TPCN1: variants seen among roughly 807,000 people sequenced by gnomAD.
TPCN1 encodes two pore channel protein 1.
A neutral mutation model predicts 108.8 loss-of-function variants in TPCN1; 52 were observed. The observed-to-expected ratio is 0.48, with a 90% CI of 0.38 to 0.60. The LOEUF (loss-of-function observed/expected upper bound fraction) is 0.60. Among genes scored for constraint, TPCN1 ranks in the 20% least tolerant of loss-of-function variants. TPCN1 has a pLI of 0.00. For synonymous variants in TPCN1, 446 were observed against 433.7 expected (o/e 1.03, Z -0.35); for missense variants, 806 against 1,072.8 (o/e 0.75, Z 3.47).
chr12:113,274,004 AC>A (rs1392012556), intron 10 of TPCN1, among the ~76,000 whole-genome samples: 3 of 152,104 alleles, frequency 2.0e-5, no homozygotes, highest in Admixed American at 6.6e-5. Flanking sequence ...TGTTTGCAGG[AC>A]CCCCTGTAGG....
chr12:113,253,037 T>C (rs1954706857), intron 2 of TPCN1, among the ~76,000 whole-genome samples: 1 of 152,176 alleles, frequency 6.6e-6, no homozygotes, highest in South Asian at 2.1e-4. Context: ...TTTCTGATTC[T>C]TGAGAGGCAA....
chr12:113,280,125 T>G (rs1166281959), intron 14 of TPCN1, 26 bp from the exon 15 acceptor site: 2 of 1,577,390 alleles, frequency 1.3e-6, no homozygotes, highest in Non-Finnish European at 1.7e-6. Flanking sequence ...TAAATTTACA[T>G]TTTAACTTGT....
At chr12:113,276,575 T>C (rs2136669706) in intron 10 of TPCN1, among the ~76,000 whole-genome samples, 1 of 152,272 alleles carries the variant, frequency 6.6e-6, no homozygotes, top group Non-Finnish European at 1.5e-5. Flanking sequence ...CCCCTCTTGC[T>C]ACTCTCTCCT....
rs1012808485 is a variant in TPCN1 at position 113,243,492 on chromosome 12, C to G, written c.112+16528C>G. On this transcript the variant is annotated intron_variant, in intron 2 of 27. Transcript: ENST00000335509. Reference sequence around the variant, plus strand: ...CACTCCATGGGAAAGCATGGCTCATCCCTATAATCCCAGCACTTTGGGAGG... The same window carrying G: ...CACTCCATGGGAAAGCATGGCTCATGCCTATAATCCCAGCACTTTGGGAGG... Among the ~76,000 whole-genome samples, 7 of 150,932 alleles carry G rather than the reference C, an allele frequency of 4.6e-5. No individual in the cohort carries two copies. In the South Asian group the frequency reaches 6.3e-4, roughly 14 times the overall value.
chr12:113,292,618 T>G, intron 25 of TPCN1: 1 of 252,898 alleles, frequency 4.0e-6, no homozygotes, highest in Non-Finnish European at 7.5e-6. Flanking sequence ...GAAAACCCTG[T>G]GCCCACACTT....
rs1018596278 is a variant in TPCN1, at chr12:113,288,013, G to T, written c.1635-150G>T. The T allele has an allele frequency of 1.4e-5, 10 of 700,730 alleles. No individual in the cohort carries two copies. The highest frequency in any genetic ancestry group is 9.0e-5 in the African/African-American group (5 of 55,704). 43.4% of individuals were successfully genotyped at this position (700,730 alleles called of 1,614,324 possible). On this transcript the variant is annotated intron_variant, in intron 19 of 27. Coordinates refer to ENST00000335509, the MANE Select transcript of TPCN1 (RefSeq NM_017901.6). The surrounding 1 kb of genome is among the most constrained non-coding windows in gnomAD (Gnocchi z 4.8). ...AATCACCTGAGCCCAGCTCAGGGTTGGTGGCGCCCAAGGGAGTGGACGCAG... is the reference window on the plus strand; with the variant it reads ...AATCACCTGAGCCCAGCTCAGGGTTTGTGGCGCCCAAGGGAGTGGACGCAG...
intron 2 of TPCN1, 118 bp downstream of exon 2, chr12:113,227,082 T>G: frequency 3.7e-6 from 3 of 809,224 alleles, no homozygotes; most frequent in South Asian, 3.7e-5. Context: ...GCCCCACATT[T>G]GAGCCCCAAG....
rs78060986 is a variant in TPCN1, at chr12:113,239,750, C to T, written c.112+12786C>T. Among the ~76,000 whole-genome samples the T allele has an allele frequency of 5.2e-3, 796 of 152,354 alleles. 22 individuals carry two copies. In the East Asian group the frequency reaches 0.072, roughly 14 times the overall value. On this transcript the variant is annotated intron_variant, in intron 2 of 27. Transcript: ENST00000335509. Reference sequence around the variant, plus strand: ...GCTTCGAACTCCCCAGGAGCCCACACATGTCCAATCCCAACCTTCCTTCCA... The same window carrying T: ...GCTTCGAACTCCCCAGGAGCCCACATATGTCCAATCCCAACCTTCCTTCCA...
At chr12:113,227,794 C>T (rs1369626540) in intron 2 of TPCN1, among the ~76,000 whole-genome samples, 1 of 152,148 alleles carries the variant, frequency 6.6e-6, no homozygotes. Context: ...CAAGGAGAGA[C>T]GAGCCAGGCT....
chr12:113,263,071 T>A (rs891688300), intron 3 of TPCN1, among the ~76,000 whole-genome samples: 4 of 152,208 alleles, frequency 2.6e-5, no homozygotes, highest in South Asian at 4.1e-4. Context: ...CATGTGGGTA[T>A]GTATGTGTAC....
Position 113,296,011 on chromosome 12 carries a change from A to G in TPCN1, c.2386A>G (p.Ser796Gly). 1 of 1,613,024 alleles carries G rather than the reference A, an allele frequency of 6.2e-7. No homozygotes were observed. The highest frequency in any genetic ancestry group is 8.5e-7 in the Non-Finnish European group (1 of 1,179,798). Residue 796 changes from serine (S) to glycine (G), a missense_variant, in exon 28 of 28, where the codon AGC becomes GGC. Transcript: ENST00000335509. The stretch of plus-strand genomic sequence containing the variant: ...GCAAGAGCAGCAGCGACAACTCAGC[A>G]GCAGTGCAGCCCCCGCCGCCCAGCA... ...REQEQQRQLS[S>G]SAAPAAQQPP...
At chr12:113,233,532 C>T (rs1953772135) in intron 2 of TPCN1, among the ~76,000 whole-genome samples, 1 of 152,242 alleles carries the variant, frequency 6.6e-6, no homozygotes, top group African/African-American at 2.4e-5. Context: ...CGCCGCCTTC[C>T]TGCTCCAGGA....
chr12:113,256,882 T>C (rs1020668414), intron 2 of TPCN1, among the ~76,000 whole-genome samples: 7 of 152,174 alleles, frequency 4.6e-5, no homozygotes, highest in African/African-American at 1.4e-4. Context: ...AATGGATAAG[T>C]TGGCCTTCAT....
chr12:113,293,576 T>C (rs116026900), intron 27 of TPCN1, among the ~76,000 whole-genome samples: 1,927 of 152,320 alleles, frequency 0.013, 36 homozygotes, highest in African/African-American at 0.043. Flanking sequence ...CCTGCCGCCA[T>C]ATGTCCCTGC....
At chr12:113,233,430 A>C (rs1408393272) in intron 2 of TPCN1, among the ~76,000 whole-genome samples, 2 of 152,224 alleles carry the variant, frequency 1.3e-5, no homozygotes, top group Admixed American at 6.5e-5. Flanking sequence ...TGGGGGCATC[A>C]GGTTGCAGTG....
At chr12:113,239,124 C>G (rs979059846) in intron 2 of TPCN1, among the ~76,000 whole-genome samples, 1 of 152,078 alleles carries the variant, frequency 6.6e-6, no homozygotes, top group Admixed American at 6.6e-5. Flanking sequence ...TAGAGTAAGA[C>G]CCTGTCTCTA....
Position 113,290,114 on chromosome 12 carries a change from T to G in TPCN1, c.1797-14T>G. ...TTGTGACCCTCCCTCCTTTCTCCCT[T>G]GTGCTCCGGCCAGCACGAGTACAGT... On this transcript the variant is annotated splice_polypyrimidine_tract_variant and intron_variant, in intron 21 of 27. Transcript: ENST00000335509. 1.3e-6 allele frequency: 2 copies of G among 1,552,932 alleles called. No individual in the cohort carries two copies. Among genetic ancestry groups the G allele is most frequent in the Non-Finnish European group, 1.8e-6 (2 of 1,141,574 alleles).
chr12:113,279,857 C>T (rs1206227265), intron 14 of TPCN1, among the ~76,000 whole-genome samples: 3 of 152,122 alleles, frequency 2.0e-5, no homozygotes, highest in African/African-American at 7.2e-5. Context: ...CCAGTTTCAG[C>T]AGTGATCAGG....
chr12:113,279,418 G>T (rs1351314288), intron 14 of TPCN1, among the ~76,000 whole-genome samples: 13 of 3,430 alleles, frequency 3.8e-3, no homozygotes, highest in Non-Finnish European at 7.5e-3. Flanking sequence ...TTTTTTTTTT[G>T]AGGCGGCGTC....
Sources: gnomAD v4.1 joint callset for allele counts (sites outside exome capture counted in the v4.1 genomes callset) on GRCh38, gnomAD v4.1.1 for gene constraint, Gnocchi (gnomAD v3.1) non-coding constraint, MANE v1.5 for transcripts, NCBI Gene and HGNC (gene_info 2026-07-23, HGNC 2026-07-21) for gene names.